ERC2: variants seen among roughly 807,000 people sequenced by gnomAD.
ERC2 encodes the protein ELKS/RAB6-interacting/CAST family member 2.
Under a neutral mutation model 114.8 loss-of-function variants are expected in ERC2, and 42 were observed. That is an observed-to-expected ratio of 0.37 (90% CI 0.29 to 0.47). The LOEUF (loss-of-function observed/expected upper bound fraction) is 0.47, where lower values mean the gene tolerates loss of function less well. ERC2 is among the 20% of genes least tolerant of loss of function. The pLI is 0.99. For missense variants in ERC2, 939 were observed against 1,150.7 expected, an observed-to-expected ratio of 0.82 and a Z score of 2.66; for synonymous variants, 454 against 425.5, an observed-to-expected ratio of 1.07 and a Z score of -0.82.
chr3:56,389,920 A>C (rs1266011421), intron 2 of ERC2, among the ~76,000 whole-genome samples: 2 of 152,168 alleles, frequency 1.3e-5, no homozygotes, highest in Admixed American at 1.3e-4. Context: ...ATCTAACTTC[A>C]CAAAGGTTGC....
At chr3:56,319,555 C>A (rs2057029291) in intron 2 of ERC2, among the ~76,000 whole-genome samples, 1 of 152,080 alleles carries the variant, frequency 6.6e-6, no homozygotes, top group Non-Finnish European at 1.5e-5. Context: ...CTCTGCTGCA[C>A]AACTTTACAC....
At chr3:55,685,524 C>A (rs1994978) in intron 16 of ERC2, among the ~76,000 whole-genome samples, 142,005 of 152,260 alleles carry the variant, frequency 0.93, 66,277 homozygotes, top group East Asian at 1. Flanking sequence ...AGAAAAGAAA[C>A]TTTGATGCTC....
At chr3:55,526,061 C>T (rs1324257473) in intron 17 of ERC2, among the ~76,000 whole-genome samples, 1 of 152,130 alleles carries the variant, frequency 6.6e-6, no homozygotes, top group African/African-American at 2.4e-5. Flanking sequence ...AAATTGGACA[C>T]AGAGACACAG....
intron 17 of ERC2, among the ~76,000 whole-genome samples, chr3:55,551,248 C>G (rs896864131): frequency 1.3e-5 from 2 of 151,950 alleles, no homozygotes; most frequent in Non-Finnish European, 2.9e-5. Context: ...GGCTGCTGGG[C>G]ACGGTGGCTC....
chr3:56,354,610 T>A (rs2150536260), intron 2 of ERC2, among the ~76,000 whole-genome samples: 1 of 152,284 alleles, frequency 6.6e-6, no homozygotes, highest in Admixed American at 6.5e-5. Flanking sequence ...ACTTCTCTCA[T>A]ACATATTTGT....
intron 8 of ERC2, among the ~76,000 whole-genome samples, chr3:56,018,493 T>C (rs1257071796): frequency 6.6e-6 from 1 of 151,764 alleles, no homozygotes; most frequent in Non-Finnish European, 1.5e-5. Flanking sequence ...ACAGAGAACC[T>C]GGAAAAAGAG....
rs1247337868 is a variant in ERC2, at chr3:55,772,464, G to A, written c.2565-37546C>T. Among the ~76,000 whole-genome samples the A allele has an allele frequency of 2.6e-5, 4 of 151,868 alleles. No individual in the cohort carries two copies. In the East Asian group the frequency reaches 5.8e-4, roughly 22 times the overall value. Reference sequence around the variant, plus strand: ...TGAGTACCTGGGACTACAGGCACCCGCCACCACGCCTGGCTAAATTTTTTG... The same window carrying A: ...TGAGTACCTGGGACTACAGGCACCCACCACCACGCCTGGCTAAATTTTTTG... On this transcript the variant is annotated intron_variant, in intron 14 of 17. Transcript: ENST00000288221.
At chr3:56,165,682 G>C (rs1350602546) in intron 4 of ERC2, among the ~76,000 whole-genome samples, 1 of 151,322 alleles carries the variant, frequency 6.6e-6, no homozygotes, top group Non-Finnish European at 1.5e-5. Flanking sequence ...TATATATTTG[G>C]GGTTTTTTAA....
chr3:56,352,202 T>C (rs1225966691), intron 2 of ERC2, among the ~76,000 whole-genome samples: 2 of 152,188 alleles, frequency 1.3e-5, no homozygotes, highest in African/African-American at 4.8e-5. Flanking sequence ...TGGAAAGATA[T>C]TTAGACTGGA....
rs139974914 is a variant in ERC2 at position 55,753,265 on chromosome 3, C to T, written c.2565-18347G>A. Among the ~76,000 whole-genome samples the T allele has an allele frequency of 8.5e-5, 13 of 152,232 alleles. No homozygotes were observed. The East Asian group carries it at 2.5e-3, about 29-fold the overall frequency. ...TGCCAATACTATAAGGCATAGAAAACAGAAAACAGGGGTAACATAGAAAGA... is the reference window on the plus strand; with the variant it reads ...TGCCAATACTATAAGGCATAGAAAATAGAAAACAGGGGTAACATAGAAAGA... On this transcript the variant is annotated intron_variant, in intron 14 of 17. Coordinates refer to ENST00000288221, the MANE Select transcript of ERC2 (RefSeq NM_015576.3).
intron 2 of ERC2, among the ~76,000 whole-genome samples, chr3:56,358,295 T>C (rs73835009): frequency 0.021 from 3,136 of 152,288 alleles, 110 homozygotes; most frequent in African/African-American, 0.07. Context: ...TCCTCTTATA[T>C]ATTTTATTTT....
intron 3 of ERC2, among the ~76,000 whole-genome samples, chr3:56,268,598 G>T (rs537336388): frequency 6.6e-6 from 1 of 152,192 alleles, no homozygotes; most frequent in South Asian, 2.1e-4. Context: ...ATTTATATTT[G>T]CTAACTTACA....
At chr3:55,876,627 G>GA (rs2062861907) in intron 14 of ERC2, among the ~76,000 whole-genome samples, 1 of 152,190 alleles carries the variant, frequency 6.6e-6, no homozygotes. Flanking sequence ...AACCCTTGAG[G>GA]ACTGTCCAAT....
intron 2 of ERC2, among the ~76,000 whole-genome samples, chr3:56,398,796 T>C (rs778944350): frequency 1.2e-4 from 18 of 152,138 alleles, no homozygotes; most frequent in Non-Finnish European, 2.4e-4. Flanking sequence ...AATTTTGTAA[T>C]TTATTTGAGA....
chr3:56,386,408 G>C (rs538841198), intron 2 of ERC2, among the ~76,000 whole-genome samples: 19 of 152,126 alleles, frequency 1.2e-4, no homozygotes, highest in East Asian at 7.7e-4. Context: ...AGTTTATTTT[G>C]ATGGAAAGAA....
intron 3 of ERC2, among the ~76,000 whole-genome samples, chr3:56,201,792 C>T (rs1191673127): frequency 6.6e-6 from 1 of 152,188 alleles, no homozygotes; most frequent in Non-Finnish European, 1.5e-5. Context: ...AGAATATGCT[C>T]TTATTCATAA....
At chr3:55,950,225 C>A (rs538304929) in intron 13 of ERC2, among the ~76,000 whole-genome samples, 200 bp downstream of exon 13, 2 of 152,166 alleles carry the variant, frequency 1.3e-5, no homozygotes, top group African/African-American at 2.4e-5. Flanking sequence ...CAGGCTCTAC[C>A]GTAATTGGCT....
chr3:55,968,768 G>A (rs565583967), intron 12 of ERC2, among the ~76,000 whole-genome samples: 5 of 152,202 alleles, frequency 3.3e-5, no homozygotes, highest in Admixed American at 3.3e-4. Context: ...AAAATGAATA[G>A]CTGCTAACTC....
At chr3:55,639,315 T>A (rs1460822622) in intron 17 of ERC2, among the ~76,000 whole-genome samples, 1 of 151,978 alleles carries the variant, frequency 6.6e-6, no homozygotes, top group African/African-American at 2.4e-5. Flanking sequence ...GAGAGAACTA[T>A]CTCAAGGGTG....
Sources: allele counts gnomAD v4.1 joint callset (sites outside exome capture counted in the v4.1 genomes callset), GRCh38; gene constraint gnomAD v4.1.1; transcripts MANE v1.5; gene names NCBI Gene and HGNC (gene_info 2026-07-23, HGNC 2026-07-21).